AK9: variants seen among roughly 807,000 people sequenced by gnomAD.
AK9 encodes adenylate kinase 9.
Under a neutral mutation model 239.6 loss-of-function variants are expected in AK9, and 191 were observed. The observed-to-expected ratio is 0.80, with a 90% CI of 0.71 to 0.90. The LOEUF (loss-of-function observed/expected upper bound fraction) is 0.90, where lower values mean the gene tolerates loss of function less well. Ranked by LOEUF, AK9 falls within the 40% of genes least tolerant of loss-of-function variation. The pLI, the probability that AK9 is intolerant of heterozygous loss-of-function variation, is 0.00. For synonymous variants in AK9, 689 were observed against 721.0 expected, an observed-to-expected ratio of 0.96 and a Z score of 0.71; for missense variants, 1,995 against 2,214.7, an observed-to-expected ratio of 0.90 and a Z score of 1.99.
At chr6:109,591,314 T>C (rs1790208553) in intron 17 of AK9, among the ~76,000 whole-genome samples, 1 of 152,196 alleles carries the variant, frequency 6.6e-6, no homozygotes, top group Non-Finnish European at 1.5e-5. Flanking sequence ...TTAATATCTG[T>C]TTTATCTGAT....
chr6:109,513,935 G>T (rs2884063), intron 32 of AK9, among the ~76,000 whole-genome samples: 1 of 152,110 alleles, frequency 6.6e-6, no homozygotes, highest in Non-Finnish European at 1.5e-5. Flanking sequence ...ATCAGCAGGA[G>T]AAGTCAGTTT....
intron 8 of AK9, among the ~76,000 whole-genome samples, chr6:109,654,384 G>C (rs1799395467): frequency 6.6e-6 from 1 of 151,774 alleles, no homozygotes; most frequent in African/African-American, 2.4e-5. Flanking sequence ...TGTCATCCAG[G>C]TTGGAGGCAC....
chr6:109,569,117 A>G (rs1041783717), intron 21 of AK9, among the ~76,000 whole-genome samples: 1 of 152,204 alleles, frequency 6.6e-6, no homozygotes, highest in Non-Finnish European at 1.5e-5. Context: ...GCCCCTGGAA[A>G]TAATACCACA....
chr6:109,548,983 T>C (rs1013600627), intron 25 of AK9, among the ~76,000 whole-genome samples: 1 of 152,180 alleles, frequency 6.6e-6, no homozygotes, highest in African/African-American at 2.4e-5. Flanking sequence ...GATCAATGCA[T>C]TTTCCTTGTT....
chr6:109,662,496 AACT>A, intron 6 of AK9, 52 bp downstream of exon 6: 2 of 1,308,996 alleles, frequency 1.5e-6, no homozygotes, highest in Non-Finnish European at 2.0e-6. Context: ...CCTTGAATTT[AACT>A]ACTATCAAAA....
At chr6:109,563,496 ATGTC>A in intron 24 of AK9, 97 bp downstream of exon 24, 1 of 1,455,342 alleles carries the variant, frequency 6.9e-7, no homozygotes, top group African/African-American at 1.4e-5. Context: ...GCAAATGAGA[ATGTC>A]TGTTCACTTG....
At chr6:109,610,182 A>G (rs1053556017) in intron 17 of AK9, among the ~76,000 whole-genome samples, 183 bp downstream of exon 17, 1 of 152,358 alleles carries the variant, frequency 6.6e-6, no homozygotes, top group Admixed American at 6.5e-5. Context: ...TTTACCAAAG[A>G]GCATCAGTAG....
chr6:109,571,609 T>G (rs1042918471), intron 21 of AK9, among the ~76,000 whole-genome samples: 2 of 152,210 alleles, frequency 1.3e-5, no homozygotes, highest in Admixed American at 1.3e-4. Flanking sequence ...TTTCTGTATT[T>G]TCTATAGTTA....
At chr6:109,618,675 G>A (rs543221590) in intron 13 of AK9, among the ~76,000 whole-genome samples, 5 of 152,160 alleles carry the variant, frequency 3.3e-5, no homozygotes, top group East Asian at 1.9e-4. Context: ...TAGTTTCATC[G>A]CATTAAATTA....
chr6:109,648,191 A>G (rs1300668276), intron 8 of AK9, among the ~76,000 whole-genome samples: 9 of 152,230 alleles, frequency 5.9e-5, no homozygotes, highest in Non-Finnish European at 1.2e-4. Context: ...TAGAAAAGCA[A>G]GAGCAAACAC....
chr6:109,678,095 G>A (rs1266650105), intron 1 of AK9, among the ~76,000 whole-genome samples: 1 of 152,118 alleles, frequency 6.6e-6, no homozygotes, highest in Non-Finnish European at 1.5e-5. Context: ...TAATGTTCAC[G>A]TAAAAACATA....
intron 24 of AK9, 137 bp from the exon 25 acceptor site, chr6:109,550,439 T>A (rs1041963764): frequency 1.6e-6 from 1 of 638,386 alleles, no homozygotes; most frequent in African/African-American, 1.9e-5. Flanking sequence ...AGTCCTTATA[T>A]TATTTTAATT....
chr6:109,562,788 A>T (rs945248117), intron 24 of AK9, among the ~76,000 whole-genome samples: 1 of 152,120 alleles, frequency 6.6e-6, no homozygotes, highest in Non-Finnish European at 1.5e-5. Context: ...TATACTTTAA[A>T]ATATAAGCTT....
At chr6:109,576,584 G>A (rs1256497545) in intron 20 of AK9, among the ~76,000 whole-genome samples, 1 of 151,668 alleles carries the variant, frequency 6.6e-6, no homozygotes, top group Non-Finnish European at 1.5e-5. Context: ...GCTTTTTCAG[G>A]TGAGTATTTA....
At chr6:109,627,122 C>T (rs1454910075) in intron 12 of AK9, among the ~76,000 whole-genome samples, 11 of 118,266 alleles carry the variant, frequency 9.3e-5, no homozygotes, top group East Asian at 5.2e-4. Flanking sequence ...TTCTATTTTT[C>T]GATGTTTAAG....
chr6:109,498,700 C>CGTGCT (rs1777312145), intron 36 of AK9, among the ~76,000 whole-genome samples: 1 of 152,270 alleles, frequency 6.6e-6, no homozygotes, highest in Non-Finnish European at 1.5e-5. Flanking sequence ...TGATTCCCTT[C>CGTGCT]AGCACCCCTG....
chr6:109,579,528 AGTCATAGCAATC>A lies in AK9; in HGVS notation c.2191+10_2191+21del. Reference sequence around the variant, plus strand: ...AGTAACAATACCATGACACATCATCAGTCATAGCAATCTGTGCTTGCCTTTTGCCTTCACTTT... The same window carrying A: ...AGTAACAATACCATGACACATCATCATGTGCTTGCCTTTTGCCTTCACTTT... On this transcript the variant is annotated intron_variant, in intron 20 of 40. Coordinates refer to ENST00000424296, the MANE Select transcript of AK9 (RefSeq NM_001145128.3). 1 of 1,539,946 alleles carries A rather than the reference AGTCATAGCAATC, an allele frequency of 6.5e-7. No individual in the cohort carries two copies. Among genetic ancestry groups the A allele is most frequent in the Non-Finnish European group, 8.8e-7 (1 of 1,137,866 alleles).
At chr6:109,497,770 A>G (rs1232516655) in intron 37 of AK9, 26 bp downstream of exon 37, 1 of 1,603,842 alleles carries the variant, frequency 6.2e-7, no homozygotes, top group Non-Finnish European at 8.5e-7. Flanking sequence ...ATATCATTCT[A>G]TACTTCCATG....
intron 32 of AK9, 143 bp from the exon 33 acceptor site, chr6:109,509,523 G>A: frequency 1.3e-6 from 1 of 747,356 alleles, no homozygotes; most frequent in East Asian, 2.7e-5. Flanking sequence ...ACATAGTGAT[G>A]GCAGTGGCTG....
Sources: allele counts gnomAD v4.1 joint callset (sites outside exome capture counted in the v4.1 genomes callset), GRCh38; gene constraint gnomAD v4.1.1; transcripts MANE v1.5; gene names NCBI Gene and HGNC (gene_info 2026-07-23, HGNC 2026-07-21).